The following PRKCE variants were observed in gnomAD, a reference collection of about 807,000 sequenced individuals.
PRKCE encodes the protein protein kinase C epsilon.
A neutral mutation model predicts 85.4 loss-of-function variants in PRKCE; 16 were observed. The observed-to-expected ratio is 0.19, with a 90% CI of 0.13 to 0.28. The LOEUF is 0.28. Among genes scored for constraint, PRKCE ranks in the 10% least tolerant of loss-of-function variants. PRKCE has a pLI of 1.00. For missense variants in PRKCE, 573 were observed against 975.2 expected, an observed-to-expected ratio of 0.59 and a Z score of 5.49; for synonymous variants, 388 against 371.5, an observed-to-expected ratio of 1.04 and a Z score of -0.51.
rs2104749695 is a variant in PRKCE at position 46,185,031 on chromosome 2, C to A, written c.*150C>A. On this transcript the variant is annotated 3_prime_UTR_variant, in exon 15 of 15. Coordinates refer to ENST00000306156, the MANE Select transcript of PRKCE (RefSeq NM_005400.3). This position sits in a 1 kb window ranked among gnomAD's most constrained non-coding sequence, Gnocchi z 4.7. ...GTCTATTTATTGCATTCCCTTGCCCCAGGCCACCTCCTCCCCCTCCCACCT... is the reference window on the plus strand; with the variant it reads ...GTCTATTTATTGCATTCCCTTGCCCAAGGCCACCTCCTCCCCCTCCCACCT... The A allele has an allele frequency of 1.8e-6, 2 of 1,083,070 alleles. No homozygotes were observed. Among genetic ancestry groups the A allele is most frequent in the East Asian group, 2.5e-5 (1 of 40,268 alleles). The allele number at this position is 1,083,070 out of a possible 1,614,324, so 67.1% of individuals were successfully genotyped here.
At chr2:46,175,090 C>T (rs569455585) in intron 14 of PRKCE, among the ~76,000 whole-genome samples, 3 of 152,112 alleles carry the variant, frequency 2.0e-5, no homozygotes, top group Admixed American at 6.5e-5. Context: ...TTTTTCCTTT[C>T]TTATTCCAGA....
At chr2:45,751,855 T>G (rs1683595542) in intron 1 of PRKCE, among the ~76,000 whole-genome samples, 1 of 129,586 alleles carries the variant, frequency 7.7e-6, no homozygotes, top group South Asian at 2.7e-4. Flanking sequence ...GCTCGCTCTG[T>G]CGCCCAGGCT....
intron 1 of PRKCE, among the ~76,000 whole-genome samples, chr2:45,827,205 C>T (rs1690015551): frequency 6.6e-6 from 1 of 152,262 alleles, no homozygotes; most frequent in Non-Finnish European, 1.5e-5. Flanking sequence ...GCCTTTGCAT[C>T]TGCTCCTCTC....
At chr2:45,935,553 AAGGC>A (rs1431072541) in intron 2 of PRKCE, among the ~76,000 whole-genome samples, 3 of 152,180 alleles carry the variant, frequency 2.0e-5, no homozygotes, top group African/African-American at 7.2e-5. Context: ...TTGGGAGGCC[AAGGC>A]AGGTGGATCA....
chr2:45,917,284 T>G (rs1697870712), intron 2 of PRKCE, among the ~76,000 whole-genome samples: 1 of 152,082 alleles, frequency 6.6e-6, no homozygotes, highest in African/African-American at 2.4e-5. Context: ...ATACAGAGTG[T>G]CAATTGGTGC....
intron 11 of PRKCE, among the ~76,000 whole-genome samples, chr2:46,095,651 C>T (rs1670612768): frequency 6.6e-6 from 1 of 152,206 alleles, no homozygotes; most frequent in African/African-American, 2.4e-5. Context: ...TTCCCCATTG[C>T]TGGTTCAGGA....
chr2:46,028,043 G>A (rs911359880), intron 10 of PRKCE, among the ~76,000 whole-genome samples: 10 of 152,054 alleles, frequency 6.6e-5, no homozygotes, highest in Non-Finnish European at 1.3e-4. Flanking sequence ...CCGGGTTCAC[G>A]TGATTCTCCT....
chr2:45,665,165 A>C (rs1294961470), intron 1 of PRKCE, among the ~76,000 whole-genome samples: 2 of 152,262 alleles, frequency 1.3e-5, no homozygotes, highest in African/African-American at 2.4e-5. Context: ...CATTTTACAT[A>C]ATTTACATTT....
At chr2:45,832,679 A>G (rs1690532229) in intron 1 of PRKCE, among the ~76,000 whole-genome samples, 1 of 152,024 alleles carries the variant, frequency 6.6e-6, no homozygotes, top group Non-Finnish European at 1.5e-5. Context: ...CTTTCTACAG[A>G]TCTCCCAGAG....
chr2:45,986,910 G>T lies in PRKCE; in HGVS notation c.823+2230G>T, dbSNP rs906596465. 2.6e-5 allele frequency among the ~76,000 whole-genome samples: 4 copies of T among 152,166 alleles called. No individual in the cohort carries two copies. The East Asian group carries it at 5.8e-4, about 22-fold the overall frequency. Reference sequence around the variant, plus strand: ...TGAGGTGAAGAGAGCAGAAGAGGAAGAAGGGAGGGGAGCAGGAGTCTCGAG... The same window carrying T: ...TGAGGTGAAGAGAGCAGAAGAGGAATAAGGGAGGGGAGCAGGAGTCTCGAG... On this transcript the variant is annotated intron_variant, in intron 6 of 14. Transcript: ENST00000306156.
chr2:45,712,128 C>T (rs764705390), intron 1 of PRKCE, among the ~76,000 whole-genome samples: 8 of 140,938 alleles, frequency 5.7e-5, no homozygotes, highest in East Asian at 2.1e-4. Flanking sequence ...TGCCACTCTA[C>T]GGCCTGTCCT....
At chr2:45,986,374 A>AG (rs1703322909) in intron 6 of PRKCE, among the ~76,000 whole-genome samples, 1 of 152,118 alleles carries the variant, frequency 6.6e-6, no homozygotes, top group African/African-American at 2.4e-5. Context: ...GAGATGGATG[A>AG]GGCAGAAGGG....
intron 2 of PRKCE, among the ~76,000 whole-genome samples, chr2:45,932,520 C>G (rs1173394028): frequency 2.6e-5 from 4 of 152,196 alleles, no homozygotes; most frequent in African/African-American, 7.2e-5. Flanking sequence ...ACACACCCAC[C>G]AACAGTCTGA....
At chr2:45,733,461 A>G (rs966010025) in intron 1 of PRKCE, among the ~76,000 whole-genome samples, 1 of 152,186 alleles carries the variant, frequency 6.6e-6, no homozygotes, top group Non-Finnish European at 1.5e-5. Flanking sequence ...TAAATCATAA[A>G]TGGTGGGGTA....
intron 1 of PRKCE, among the ~76,000 whole-genome samples, chr2:45,661,710 T>G (rs1675669794): frequency 6.7e-6 from 1 of 150,124 alleles, no homozygotes; most frequent in South Asian, 2.1e-4. Flanking sequence ...TTTTTTTTTT[T>G]TTGTATTTTT....
intron 1 of PRKCE, among the ~76,000 whole-genome samples, chr2:45,687,105 C>T (rs1677355263): frequency 6.6e-6 from 1 of 151,882 alleles, no homozygotes; most frequent in African/African-American, 2.4e-5. Context: ...TATTAAATTT[C>T]CAAAAACAAA....
chr2:45,940,832 G>A lies in PRKCE; in HGVS notation c.413-35597G>A, dbSNP rs560870794. ...CTAGCACTTTGGGAAGCCAAAGCAG[G>A]CAGATCACTTGAGGTCAGGAGTTCA... is the stretch of plus-strand genomic sequence containing the variant. On this transcript the variant is annotated intron_variant, in intron 2 of 14. Coordinates refer to ENST00000306156, the MANE Select transcript of PRKCE (RefSeq NM_005400.3). Among the ~76,000 whole-genome samples the A allele has an allele frequency of 3.3e-5, 5 of 152,110 alleles. No homozygotes were observed. In the South Asian group the frequency reaches 6.2e-4, roughly 19 times the overall value.
intron 2 of PRKCE, among the ~76,000 whole-genome samples, chr2:45,885,835 T>C (rs535271598): frequency 1.3e-5 from 2 of 152,366 alleles, no homozygotes; most frequent in East Asian, 3.9e-4. Flanking sequence ...TTTCCCAAAA[T>C]GTTGTGTGTA....
At chr2:45,685,683 C>G (rs1677242911) in intron 1 of PRKCE, 1 of 152,072 alleles carries the variant, frequency 6.6e-6, no homozygotes, top group African/African-American at 2.4e-5. Context: ...AGTCTCTTGA[C>G]TGTAGGCAAC....
Sources: allele counts gnomAD v4.1 joint callset (sites outside exome capture counted in the v4.1 genomes callset), GRCh38; gene constraint gnomAD v4.1.1; non-coding constraint Gnocchi (gnomAD v3.1); transcripts MANE v1.5; gene names NCBI Gene and HGNC (gene_info 2026-07-23, HGNC 2026-07-21).